SFMBT1: variants seen among roughly 807,000 people sequenced by gnomAD.
SFMBT1 encodes the protein Scm like with four mbt domains 1.
In SFMBT1, 32 loss-of-function variants were observed where a neutral mutation model predicts 108.7. The ratio of observed to expected loss-of-function variants is 0.29; its 90% confidence interval spans 0.22 to 0.40. The LOEUF (loss-of-function observed/expected upper bound fraction) is 0.40, where lower values mean the gene tolerates loss of function less well. Among genes scored for constraint, SFMBT1 ranks in the 10% least tolerant of loss-of-function variants. The pLI, the probability that SFMBT1 is intolerant of heterozygous loss-of-function variation, is 1.00. For synonymous variants in SFMBT1, 348 were observed against 369.5 expected (o/e 0.94, Z 0.67); for missense variants, 816 against 1,059.6 (o/e 0.77, Z 3.19).
At chr3:52,965,566 A>G (rs897970000) in intron 2 of SFMBT1, among the ~76,000 whole-genome samples, 1 of 152,294 alleles carries the variant, frequency 6.6e-6, no homozygotes, top group East Asian at 1.9e-4. Flanking sequence ...AAGTAGCACA[A>G]TTATTTTCTG....
At chr3:52,915,438 G>A (rs1321172729) in intron 14 of SFMBT1, among the ~76,000 whole-genome samples, 6 of 152,188 alleles carry the variant, frequency 3.9e-5, no homozygotes, top group African/African-American at 7.2e-5. Context: ...ACGGAAGTAC[G>A]GGTTTCTAAT....
At chr3:53,036,958 TG>T (rs1699887913) in intron 1 of SFMBT1, among the ~76,000 whole-genome samples, 1 of 152,100 alleles carries the variant, frequency 6.6e-6, no homozygotes, top group South Asian at 2.1e-4. Context: ...GCTGGGACTC[TG>T]GGAGAAAATG....
intron 14 of SFMBT1, 81 bp downstream of exon 14, chr3:52,916,069 G>A: frequency 8.5e-7 from 1 of 1,177,420 alleles, no homozygotes; most frequent in Non-Finnish European, 1.3e-6. Flanking sequence ...TACATCAAAT[G>A]TACTGTTTTA....
intron 12 of SFMBT1, among the ~76,000 whole-genome samples, chr3:52,919,708 C>T (rs1702462046): frequency 6.6e-6 from 1 of 152,200 alleles, no homozygotes; most frequent in Non-Finnish European, 1.5e-5. Flanking sequence ...TCTCTTGCTT[C>T]CTCACTCTGA....
At chr3:52,969,747 C>A (rs1157793049) in intron 1 of SFMBT1, among the ~76,000 whole-genome samples, 1 of 152,112 alleles carries the variant, frequency 6.6e-6, no homozygotes, top group Non-Finnish European at 1.5e-5. Context: ...CTGTATTAGC[C>A]TACAATTATA....
At position 52,924,335 on chromosome 3, in the gene SFMBT1, T is replaced by C. The variant is rs571515145; in HGVS notation, c.1131+1696A>G. On this transcript the variant is annotated intron_variant, in intron 10 of 20. Transcript: ENST00000394752. ...GGCAATTCCCTGGGTGACAAGGGCA[T>C]TTCCATGATTAAAACTACATGGCAA... 4.3e-4 allele frequency among the ~76,000 whole-genome samples: 66 copies of C among 152,164 alleles called. 1 individual carries two copies. In the South Asian group the frequency reaches 0.013, roughly 31 times the overall value.
Position 52,911,810 on chromosome 3 carries a change from C to A in SFMBT1, c.1731-632G>T, listed in dbSNP as rs920485849. On this transcript the variant is annotated intron_variant, in intron 16 of 20. Transcript: ENST00000394752. ...CCGCCTCCCAGGTCAAGAGATTCTC[C>A]TGCCTCAGCCTCCCAAGTAGCTGGG... is the stretch of plus-strand genomic sequence containing the variant. 1.1e-4 allele frequency among the ~76,000 whole-genome samples: 16 copies of A among 152,218 alleles called. No individual in the cohort carries two copies. In the South Asian group the frequency reaches 2.7e-3, roughly 26 times the overall value.
At chr3:52,925,442 G>A (rs1702632442) in intron 10 of SFMBT1, among the ~76,000 whole-genome samples, 1 of 152,166 alleles carries the variant, frequency 6.6e-6, no homozygotes, top group Admixed American at 6.5e-5. Context: ...AATTTAATTT[G>A]TTTTAATAAA....
rs184005046 is a variant in SFMBT1 at position 53,034,758 on chromosome 3, G to A, written c.-131+11058C>T. ...TCGAGACCAGCTTGGCCAACACGGA[G>A]AAACCCCCATCGCTACTAAAAATAT... On this transcript the variant is annotated intron_variant, in intron 1 of 20. Transcript: ENST00000394752. Among the ~76,000 whole-genome samples the A allele has an allele frequency of 4.0e-5, 6 of 151,750 alleles. No homozygotes were observed. The East Asian group carries it at 1.2e-3, about 29-fold the overall frequency.
intron 2 of SFMBT1, among the ~76,000 whole-genome samples, chr3:52,956,871 C>T (rs1194896812): frequency 1.3e-5 from 2 of 152,118 alleles, no homozygotes; most frequent in Non-Finnish European, 2.9e-5. Context: ...CAATATCATA[C>T]TGAATGGGCA....
chr3:53,028,454 T>G (rs892379861), intron 1 of SFMBT1, among the ~76,000 whole-genome samples: 2 of 152,334 alleles, frequency 1.3e-5, no homozygotes, highest in Non-Finnish European at 1.5e-5. Context: ...TACTGTTTCT[T>G]TGCCACAAAT....
intron 2 of SFMBT1, among the ~76,000 whole-genome samples, chr3:52,958,590 CA>C: frequency 6.7e-6 from 1 of 149,748 alleles, no homozygotes; most frequent in Admixed American, 6.7e-5. Context: ...GACTCTGTCT[CA>C]AAAAAAATAA....
chr3:52,914,204 TTGTC>T (rs1425262540), intron 14 of SFMBT1, among the ~76,000 whole-genome samples: 1 of 152,200 alleles, frequency 6.6e-6, no homozygotes, highest in Non-Finnish European at 1.5e-5. Context: ...CTTCAACTAT[TTGTC>T]TGTATCAATA....
intron 13 of SFMBT1, 95 bp downstream of exon 13, chr3:52,918,389 C>T: frequency 2.1e-6 from 2 of 951,304 alleles, no homozygotes; most frequent in Middle Eastern, 2.9e-4. Context: ...AAAAATTATG[C>T]TTCCATCTGA....
rs1482861248 is a variant in SFMBT1, at chr3:52,928,703, G to GT, written c.898-363dup. ...ACACACATATATATATAGTTTGTTT[G>GT]TTTTTTTTTGGAGACAGGGTCTTGC... On this transcript the variant is annotated intron_variant, in intron 8 of 20. Transcript: ENST00000394752. Among the ~76,000 whole-genome samples, 268 of 140,260 alleles carry GT rather than the reference G, an allele frequency of 1.9e-3. 8 individuals are homozygous for GT. The highest frequency in any genetic ancestry group is 6.5e-3 in the African/African-American group (238 of 36,842). The allele number at this position is 140,260 out of a possible 152,430, so 92.0% of individuals were successfully genotyped here.
chr3:52,943,469 C>G lies in SFMBT1; in HGVS notation c.248G>C (p.Arg83Pro). 1 of 1,614,114 alleles carries G rather than the reference C, an allele frequency of 6.2e-7. No individual in the cohort carries two copies. The highest frequency in any genetic ancestry group is 8.5e-7 in the Non-Finnish European group (1 of 1,179,978). ...ITTCEQLLLL[R>P]YDGYGEDRRA... The stretch of plus-strand genomic sequence containing the variant: ...CCGATCCTCCCCATAGCCATCATAG[C>G]GGAGAAGGAGCAACTGCTCACAGGT... Residue 83 changes from arginine to proline, a missense_variant, in exon 4 of 21, where the codon CGC (arginine) becomes CCC (proline). Transcript: ENST00000394752.
At chr3:52,990,328 G>T (rs567235817) in intron 1 of SFMBT1, among the ~76,000 whole-genome samples, 1 of 152,244 alleles carries the variant, frequency 6.6e-6, no homozygotes, top group South Asian at 2.1e-4. Flanking sequence ...CCTCCAAAAT[G>T]GTATTTTGAA....
chr3:52,934,930 T>A (rs1702963039), intron 4 of SFMBT1, 29 bp from the exon 5 acceptor site: 8 of 1,580,466 alleles, frequency 5.1e-6, no homozygotes, highest in Non-Finnish European at 6.9e-6. Flanking sequence ...GACTGATTAC[T>A]CAAAATGCCA....
chr3:53,031,544 A>T (rs1699686309), intron 1 of SFMBT1, among the ~76,000 whole-genome samples: 1 of 152,072 alleles, frequency 6.6e-6, no homozygotes, highest in East Asian at 1.9e-4. Flanking sequence ...ACAAAATACT[A>T]GTTTCTCATT....
Sources: gnomAD v4.1 joint callset for allele counts (sites outside exome capture counted in the v4.1 genomes callset) on GRCh38, gnomAD v4.1.1 for gene constraint, MANE v1.5 for transcripts, NCBI Gene and HGNC (gene_info 2026-07-23, HGNC 2026-07-21) for gene names.